UNC5D: variants seen among roughly 807,000 people sequenced by gnomAD.
The protein encoded by UNC5D is netrin receptor UNC5D.
A neutral mutation model predicts 105.4 loss-of-function variants in UNC5D; 39 were observed. The ratio of observed to expected loss-of-function variants is 0.37; its 90% CI spans 0.29 to 0.48. UNC5D has a LOEUF of 0.48. UNC5D is among the 20% of genes least tolerant of loss of function. The pLI is 0.98. For synonymous variants in UNC5D, 452 were observed against 450.4 expected (o/e 1.00, Z -0.04); for missense variants, 991 against 1,202.4 (o/e 0.82, Z 2.60).
At chr8:35,367,816 C>T (rs555279574) in intron 1 of UNC5D, among the ~76,000 whole-genome samples, 1 of 152,222 alleles carries the variant, frequency 6.6e-6, no homozygotes, top group South Asian at 2.1e-4. Context: ...ATGAGTCAAA[C>T]CAGTTAATCA....
At chr8:35,642,346 T>A (rs957121234) in intron 4 of UNC5D, among the ~76,000 whole-genome samples, 2 of 152,148 alleles carry the variant, frequency 1.3e-5, no homozygotes, top group Non-Finnish European at 2.9e-5. Flanking sequence ...GTACCTTTTT[T>A]CTTTGCCCAT....
intron 1 of UNC5D, among the ~76,000 whole-genome samples, chr8:35,299,760 C>T (rs533265226): frequency 1.8e-4 from 28 of 152,032 alleles, no homozygotes; most frequent in Non-Finnish European, 3.2e-4. Flanking sequence ...AGATGTTTTG[C>T]TATTACCTAA....
intron 1 of UNC5D, among the ~76,000 whole-genome samples, chr8:35,378,568 G>A (rs1410079299): frequency 6.6e-6 from 1 of 152,174 alleles, no homozygotes; most frequent in Non-Finnish European, 1.5e-5. Flanking sequence ...TGCCAGAGGT[G>A]TGAATCATCC....
chr8:35,493,048 G>A (rs370503019), intron 1 of UNC5D, among the ~76,000 whole-genome samples: 7 of 152,000 alleles, frequency 4.6e-5, no homozygotes, highest in African/African-American at 1.7e-4. Flanking sequence ...TCCTCAGTTC[G>A]ACAAGGAAAC....
rs143440401 is a variant in UNC5D, at chr8:35,469,200, A to G, written c.104-80092A>G. Reference sequence around the variant, plus strand: ...AAACTTCTCCTTATCAGGAGGAAGTATACTTATTAGTTAATACTCGAAGTC... The same window carrying G: ...AAACTTCTCCTTATCAGGAGGAAGTGTACTTATTAGTTAATACTCGAAGTC... On this transcript the variant is annotated intron_variant, in intron 1 of 16. Coordinates refer to ENST00000404895, the MANE Select transcript of UNC5D (RefSeq NM_080872.4). Among the ~76,000 whole-genome samples, 17 of 152,370 alleles carry G rather than the reference A, an allele frequency of 1.1e-4. No individual in the cohort carries two copies. The East Asian group carries it at 2.9e-3, about 26-fold the overall frequency.
At chr8:35,330,880 AT>A (rs1377716120) in intron 1 of UNC5D, among the ~76,000 whole-genome samples, 3 of 152,160 alleles carry the variant, frequency 2.0e-5, no homozygotes, top group Non-Finnish European at 2.9e-5. Context: ...TTTAAAAATG[AT>A]TGTATAAGTG....
intron 12 of UNC5D, among the ~76,000 whole-genome samples, chr8:35,750,095 C>A (rs1830198548): frequency 6.6e-6 from 1 of 151,758 alleles, no homozygotes; most frequent in Non-Finnish European, 1.5e-5. Flanking sequence ...GTTATTATAA[C>A]CAATGAAGTA....
At chr8:35,271,771 T>TGTATACCTGTATACATGTA (rs1563268638) in intron 1 of UNC5D, among the ~76,000 whole-genome samples, 1 of 135,294 alleles carries the variant, frequency 7.4e-6, no homozygotes, top group African/African-American at 2.7e-5. Flanking sequence ...ATACATATAT[T>TGTATACCTGTATACATGTA]TACATAGGCA....
intron 1 of UNC5D, among the ~76,000 whole-genome samples, chr8:35,533,028 A>C (rs1168365394): frequency 4.1e-5 from 6 of 148,014 alleles, no homozygotes; most frequent in Non-Finnish European, 8.9e-5. Flanking sequence ...TGATCGTCTG[A>C]AGCCTTCTTC....
intron 1 of UNC5D, among the ~76,000 whole-genome samples, chr8:35,472,101 A>C (rs186719952): frequency 2.6e-4 from 39 of 152,370 alleles, no homozygotes; most frequent in South Asian, 4.1e-4. Flanking sequence ...ACTTATGTAG[A>C]AATGAAAGAT....
Position 35,791,012 on chromosome 8 carries a change from T to C in UNC5D, c.*449T>C, listed in dbSNP as rs1803015079. The C allele has an allele frequency of 5.5e-6, 1 of 182,600 alleles. No homozygotes were observed. The highest frequency in any genetic ancestry group is 5.3e-5 in the Admixed American group (1 of 18,702). The allele number at this position is 182,600 out of a possible 1,614,324, so 11.3% of individuals were successfully genotyped here. On this transcript the variant is annotated 3_prime_UTR_variant, in exon 17 of 17. Coordinates refer to ENST00000404895, the MANE Select transcript of UNC5D (RefSeq NM_080872.4). Reference sequence around the variant, plus strand: ...GCATCTGTGATGTCAGAGATCATTGTAAAAATGGCTTTTAGACGTGAAACA... The same window carrying C: ...GCATCTGTGATGTCAGAGATCATTGCAAAAATGGCTTTTAGACGTGAAACA...
intron 1 of UNC5D, among the ~76,000 whole-genome samples, chr8:35,335,506 T>C (rs1413740245): frequency 6.6e-6 from 1 of 152,240 alleles, no homozygotes; most frequent in Non-Finnish European, 1.5e-5. Context: ...AAATCTTAAC[T>C]ATGTTTTTGT....
intron 8 of UNC5D, chr8:35,721,495 C>T (rs951516994): frequency 6.4e-5 from 45 of 702,818 alleles, no homozygotes; most frequent in Non-Finnish European, 1.1e-4. Flanking sequence ...CATGTGCCGT[C>T]CTAGCAACCC....
At chr8:35,729,431 T>C (rs139853051) in intron 10 of UNC5D, among the ~76,000 whole-genome samples, 2 of 152,332 alleles carry the variant, frequency 1.3e-5, no homozygotes, top group East Asian at 3.9e-4. Flanking sequence ...GTGTAATTGA[T>C]TTAATATTAT....
intron 1 of UNC5D, among the ~76,000 whole-genome samples, chr8:35,248,375 A>G (rs1407363791): frequency 3.7e-5 from 4 of 106,962 alleles, no homozygotes; most frequent in African/African-American, 1.6e-4. Flanking sequence ...TAGATATAAT[A>G]TATAAATATA....
chr8:35,309,731 T>A (rs1808728535), intron 1 of UNC5D, among the ~76,000 whole-genome samples: 1 of 152,188 alleles, frequency 6.6e-6, no homozygotes, highest in South Asian at 2.1e-4. Context: ...TTCTCAAGCT[T>A]TAAAAGATGT....
chr8:35,736,762 G>A (rs1829490236), intron 11 of UNC5D, among the ~76,000 whole-genome samples: 1 of 152,174 alleles, frequency 6.6e-6, no homozygotes, highest in Admixed American at 6.5e-5. Flanking sequence ...AGGCACAGAG[G>A]TATAAATAGC....
chr8:35,298,032 TC>T (rs1807631744), intron 1 of UNC5D, among the ~76,000 whole-genome samples: 1 of 152,158 alleles, frequency 6.6e-6, no homozygotes, highest in Admixed American at 6.5e-5. Context: ...ACATAGGGCT[TC>T]CTCTTGCAGG....
At chr8:35,398,343 T>G (rs1440844354) in intron 1 of UNC5D, among the ~76,000 whole-genome samples, 1 of 152,168 alleles carries the variant, frequency 6.6e-6, no homozygotes, top group Admixed American at 6.5e-5. Context: ...ACCATACTAC[T>G]CATCTCATAA....
Sources: allele counts gnomAD v4.1 joint callset (sites outside exome capture counted in the v4.1 genomes callset), GRCh38; gene constraint gnomAD v4.1.1; transcripts MANE v1.5; gene names NCBI Gene and HGNC (gene_info 2026-07-23, HGNC 2026-07-21).